Variants in PCDHGA3 observed in about 807,000 individuals in gnomAD.
The protein encoded by PCDHGA3 is protocadherin gamma-A3.
A neutral mutation model predicts 58.5 loss-of-function variants in PCDHGA3; 40 were observed. The ratio of observed to expected loss-of-function variants is 0.68; its 90% CI spans 0.53 to 0.89. PCDHGA3 has a LOEUF of 0.89. PCDHGA3 is among the 40% of genes least tolerant of loss of function. The pLI, the probability that PCDHGA3 is intolerant of heterozygous loss-of-function variation, is 0.00. For missense variants in PCDHGA3, 1,223 were observed against 1,195.9 expected (o/e 1.02, Z -0.33); for synonymous variants, 530 against 525.7 (o/e 1.01, Z -0.11).
intron 3 of PCDHGA3, among the ~76,000 whole-genome samples, chr5:141,509,686 G>A (rs1350812680): frequency 6.6e-6 from 1 of 152,212 alleles, no homozygotes; most frequent in Non-Finnish European, 1.5e-5. Flanking sequence ...CTTCTGTACA[G>A]TGGGACGTTG....
chr5:141,410,464 G>A, intron 1 of PCDHGA3: 1 of 1,613,994 alleles, frequency 6.2e-7, no homozygotes, highest in South Asian at 1.1e-5. Context: ...CTTATAATCT[G>A]TGCATTGCAC....
chr5:141,388,426 T>C, intron 1 of PCDHGA3: 1 of 1,613,864 alleles, frequency 6.2e-7, no homozygotes, highest in Non-Finnish European at 8.5e-7. Context: ...TTCTCACTGA[T>C]AAATAAAGAG....
chr5:141,423,758 G>GGT (rs138224377), intron 1 of PCDHGA3: 10 of 366,772 alleles, frequency 2.7e-5, no homozygotes, highest in Non-Finnish European at 1.5e-5. Flanking sequence ...TTTGGGGGGG[G>GGT]GGTGGGGCGG....
chr5:141,362,571 A>G (rs751216494), intron 1 of PCDHGA3: 2 of 1,606,352 alleles, frequency 1.2e-6, no homozygotes, highest in Non-Finnish European at 1.7e-6. Flanking sequence ...GCTTTAATTA[A>G]TTTATTTTCA....
rs758132181 is a variant in PCDHGA3, at chr5:141,486,827, C to T, written c.2425-7980C>T. On this transcript the variant is annotated intron_variant, in intron 1 of 3. Coordinates refer to ENST00000253812, the MANE Select transcript of PCDHGA3 (RefSeq NM_018916.4). This position sits in a 1 kb window ranked among gnomAD's most constrained non-coding sequence, Gnocchi z 5.0. The stretch of plus-strand genomic sequence containing the variant: ...ACCCCTTAGCAGCACTGTAACAGTT[C>T]GTCTATTTGTGCTGGACCTCAATGA... 10 of 1,614,110 alleles carry T rather than the reference C, an allele frequency of 6.2e-6. No individual in the cohort carries two copies. The African/African-American group carries it at 8.0e-5, about 13-fold the overall frequency.
At chr5:141,427,222 A>T (rs536161247) in intron 1 of PCDHGA3, 8 of 456,774 alleles carry the variant, frequency 1.8e-5, no homozygotes, top group Non-Finnish European at 3.5e-5. Flanking sequence ...CGTAGCAGTT[A>T]TACCATGAGA....
rs192747939 is a variant in PCDHGA3 at position 141,487,483 on chromosome 5, T to A, written c.2425-7324T>A. ...TTGTTGATGTGGGAGGCCACTCTCA[T>A]GGCTGTACACCCTTGGCTTCTGCAC... On this transcript the variant is annotated intron_variant, in intron 1 of 3. Transcript: ENST00000253812. This position sits in a 1 kb window ranked among gnomAD's most constrained non-coding sequence, Gnocchi z 5.0. 1 of 1,614,224 alleles carries A rather than the reference T, an allele frequency of 6.2e-7. No individual in the cohort carries two copies. The highest frequency in any genetic ancestry group is 1.1e-5 in the South Asian group (1 of 91,084).
chr5:141,486,828 G>A lies in PCDHGA3; in HGVS notation c.2425-7979G>A, dbSNP rs140257646. 77 of 1,614,218 alleles carry A rather than the reference G, an allele frequency of 4.8e-5. 1 individual carries two copies. In the East Asian group the frequency reaches 1.2e-3, roughly 26 times the overall value. On this transcript the variant is annotated intron_variant, in intron 1 of 3. Transcript: ENST00000253812. This position sits in a 1 kb window ranked among gnomAD's most constrained non-coding sequence, Gnocchi z 5.0. ...CCCCTTAGCAGCACTGTAACAGTTCGTCTATTTGTGCTGGACCTCAATGAC... is the reference window on the plus strand; with the variant it reads ...CCCCTTAGCAGCACTGTAACAGTTCATCTATTTGTGCTGGACCTCAATGAC...
chr5:141,486,140 C>T lies in PCDHGA3; in HGVS notation c.2425-8667C>T, dbSNP rs759476505. On this transcript the variant is annotated intron_variant, in intron 1 of 3. Coordinates refer to ENST00000253812, the MANE Select transcript of PCDHGA3 (RefSeq NM_018916.4). The surrounding 1 kb of genome is among the most constrained non-coding windows in gnomAD (Gnocchi z 5.0). ...TTACTATGAATTTGATGTGCGGGCT[C>T]GCGATGGGGGTTCTCCAGCCATGGA... 1 of 1,614,164 alleles carries T rather than the reference C, an allele frequency of 6.2e-7. No individual in the cohort carries two copies. The highest frequency in any genetic ancestry group is 1.3e-5 in the African/African-American group (1 of 75,030).
intron 1 of PCDHGA3, chr5:141,478,544 C>G (rs1371505487): frequency 6.2e-7 from 1 of 1,605,660 alleles, no homozygotes; most frequent in Admixed American, 1.7e-5. Flanking sequence ...CCCTCCCGGA[C>G]AGGTAAGGTT....
At chr5:141,349,476 T>C (rs1013716762) in intron 1 of PCDHGA3, among the ~76,000 whole-genome samples, 3 of 152,206 alleles carry the variant, frequency 2.0e-5, no homozygotes, top group East Asian at 1.9e-4. Context: ...CAACACTAAA[T>C]TGGCCCTTTT....
In PCDHGA3 at chr5:141,432,661, C is replaced by T; in HGVS notation, c.2425-62146C>T. ...TGCGCACGGCGCGAGCCCTGCTGGACAGAGACGCGCTCAAGCAGAGCCTCG... is the reference window on the plus strand; with the variant it reads ...TGCGCACGGCGCGAGCCCTGCTGGATAGAGACGCGCTCAAGCAGAGCCTCG... On this transcript the variant is annotated intron_variant, in intron 1 of 3. Transcript: ENST00000253812. This position sits in a 1 kb window ranked among gnomAD's most constrained non-coding sequence, Gnocchi z 6.0. 3.1e-6 allele frequency: 5 copies of T among 1,613,886 alleles called. No homozygotes were observed. In the South Asian group the frequency reaches 5.5e-5, roughly 18 times the overall value.
chr5:141,485,762 G>A lies in PCDHGA3; in HGVS notation c.2425-9045G>A, dbSNP rs774145313. 3.1e-6 allele frequency: 5 copies of A among 1,614,226 alleles called. No homozygotes were observed. The highest frequency in any genetic ancestry group is 3.3e-5 in the Admixed American group (2 of 60,030). ...CAGCCTGGTCCCAGAGCTGCTCCTG[G>A]AGAAGCCTTTGGATCGAGAGAAGCA... On this transcript the variant is annotated intron_variant, in intron 1 of 3. Transcript: ENST00000253812. The surrounding 1 kb of genome is among the most constrained non-coding windows in gnomAD (Gnocchi z 5.7).
At position 141,423,431 on chromosome 5, in the gene PCDHGA3, G is replaced by A. The variant is rs1220133197; in HGVS notation, c.2425-71376G>A. On this transcript the variant is annotated intron_variant, in intron 1 of 3. Coordinates refer to ENST00000253812, the MANE Select transcript of PCDHGA3 (RefSeq NM_018916.4). ...CAGGCTTCTGAAGGCGGGTTGGCAGGTATGCCCACGTCACATTTTGTAGGC... is the reference window on the plus strand; with the variant it reads ...CAGGCTTCTGAAGGCGGGTTGGCAGATATGCCCACGTCACATTTTGTAGGC... 3 of 1,613,892 alleles carry A rather than the reference G, an allele frequency of 1.9e-6. No homozygotes were observed. Among genetic ancestry groups the A allele is most frequent in the Admixed American group, 3.3e-5 (2 of 60,012 alleles).
chr5:141,404,709 A>G (rs746275941), intron 1 of PCDHGA3: 33 of 1,613,624 alleles, frequency 2.0e-5, no homozygotes, highest in Non-Finnish European at 2.7e-5. Flanking sequence ...GAGCCTGGCT[A>G]CCTGGTGACC....
chr5:141,449,774 A>G (rs541830970), intron 1 of PCDHGA3, among the ~76,000 whole-genome samples: 2 of 151,714 alleles, frequency 1.3e-5, no homozygotes, highest in African/African-American at 4.8e-5. Flanking sequence ...AAGTTGTAGA[A>G]ATTATGTTTC....
At chr5:141,411,955 A>G (rs1427605209) in intron 1 of PCDHGA3, 2 of 152,244 alleles carry the variant, frequency 1.3e-5, no homozygotes, top group Admixed American at 6.5e-5. Context: ...TTTGAAGAAA[A>G]AAGATAAAAT....
chr5:141,447,428 G>C (rs542079336), intron 1 of PCDHGA3, among the ~76,000 whole-genome samples: 1 of 152,184 alleles, frequency 6.6e-6, no homozygotes, highest in African/African-American at 2.4e-5. Flanking sequence ...GTGAGCCACC[G>C]CACCCGGAGG....
At chr5:141,482,888 A>G (rs1012212528) in intron 1 of PCDHGA3, among the ~76,000 whole-genome samples, 3 of 152,208 alleles carry the variant, frequency 2.0e-5, no homozygotes, top group African/African-American at 7.2e-5. Context: ...CCTGGCCAAC[A>G]TGGTGAAACC....
Sources: gnomAD v4.1 joint callset for allele counts (sites outside exome capture counted in the v4.1 genomes callset) on GRCh38, gnomAD v4.1.1 for gene constraint, Gnocchi (gnomAD v3.1) non-coding constraint, MANE v1.5 for transcripts, NCBI Gene and HGNC (gene_info 2026-07-23, HGNC 2026-07-21) for gene names.